ANO7: variants seen among roughly 807,000 people sequenced by gnomAD.
The protein encoded by ANO7 is anoctamin-7.
ANO7 carries 114 observed loss-of-function variants against 115.8 expected under a neutral mutation model. The observed-to-expected ratio is 0.98, with a 90% CI of 0.85 to 1.15. ANO7 has a LOEUF of 1.15. Among genes scored for constraint, ANO7 ranks in the 50% most tolerant of loss-of-function variants. ANO7 has a pLI of 0.00. For synonymous variants in ANO7, 550 were observed against 498.2 expected, an observed-to-expected ratio of 1.10 and a Z score of -1.38; for missense variants, 1,302 against 1,201.2, an observed-to-expected ratio of 1.08 and a Z score of -1.24.
At chr2:241,226,586 A>G (rs367770569), downstream of ANO7, among the ~76,000 whole-genome samples, 28 of 151,882 alleles carry the variant, frequency 1.8e-4, no homozygotes, top group Non-Finnish European at 3.5e-4. Context: ...CACCACACCC[A>G]GCTAATTTTT....
downstream of ANO7, chr2:241,229,449 C>G (rs2069452234): frequency 1.6e-6 from 1 of 616,896 alleles, no homozygotes; most frequent in African/African-American, 1.9e-5. Context: ...GCCGCACACA[C>G]AGCCAGGCGC....
chr2:241,230,314 A>C (rs1198692023), downstream of ANO7: 1 of 1,141,098 alleles, frequency 8.8e-7, no homozygotes, highest in South Asian at 1.5e-5. The surrounding 1 kb of genome is among the most constrained non-coding windows in gnomAD (Gnocchi z 5.0). Flanking sequence ...CCAAGCGAGG[A>C]AAAGGGTTAA....
chr2:241,215,802 A>T (rs1198875760), intron 18 of ANO7, among the ~76,000 whole-genome samples: 3 of 152,184 alleles, frequency 2.0e-5, no homozygotes, highest in Non-Finnish European at 4.4e-5. Flanking sequence ...CTGCTTTGCA[A>T]TTCCGGGAGG....
the ANO7 span, among the ~76,000 whole-genome samples, chr2:241,239,310 TTTTC>T: frequency 6.6e-6 from 1 of 152,136 alleles, no homozygotes; most frequent in East Asian, 1.9e-4. This position sits in a 1 kb window ranked among gnomAD's most constrained non-coding sequence, Gnocchi z 4.6. Context: ...ACAGAATGCA[TTTTC>T]TTTCTTTCTC....
chr2:241,198,582 C>T (rs146512648), intron 4 of ANO7, among the ~76,000 whole-genome samples: 14 of 152,294 alleles, frequency 9.2e-5, no homozygotes, highest in East Asian at 3.9e-4. Flanking sequence ...CAGAACATCA[C>T]GGCCAGCTGG....
chr2:241,236,315 C>T, the ANO7 span: 2 of 408,300 alleles, frequency 4.9e-6, no homozygotes, highest in East Asian at 4.5e-5. Context: ...ACATTCATCC[C>T]CCTGCAGCTG....
intron 4 of ANO7, among the ~76,000 whole-genome samples, chr2:241,198,718 A>G (rs1008466184): frequency 1.3e-5 from 2 of 152,240 alleles, no homozygotes; most frequent in African/African-American, 4.8e-5. Context: ...GGTGCTGAAA[A>G]GCAGTTATGC....
At chr2:241,208,555 A>G (rs2068640652) in intron 11 of ANO7, among the ~76,000 whole-genome samples, 1 of 152,190 alleles carries the variant, frequency 6.6e-6, no homozygotes, top group Admixed American at 6.5e-5. Flanking sequence ...CCTTATTCAA[A>G]TAAGATTACA....
rs760834241 is a variant in ANO7, at chr2:241,223,811, C to A, written c.2532+30C>A. ...ACTGTACAGCCCAGTCTCGGCCCTC[C>A]CCCCAGCCCTCTCCCTATCCTTGTC... On this transcript the variant is annotated intron_variant, in intron 23 of 24. Coordinates refer to ENST00000674324, the MANE Select transcript of ANO7 (RefSeq NM_001370694.2). 5 of 1,614,034 alleles carry A rather than the reference C, an allele frequency of 3.1e-6. No homozygotes were observed. The East Asian group carries it at 1.1e-4, about 36-fold the overall frequency.
intron 19 of ANO7, 125 bp from the exon 20 acceptor site, chr2:241,217,561 G>C (rs957032309): frequency 1.2e-5 from 13 of 1,106,506 alleles, no homozygotes; most frequent in Middle Eastern, 2.8e-4. Flanking sequence ...CCAGGAGGTG[G>C]GGGCGGAATG....
At chr2:241,232,047 G>A in the ANO7 span, among the ~76,000 whole-genome samples, 37 of 152,272 alleles carry the variant, frequency 2.4e-4, no homozygotes, top group African/African-American at 8.4e-4. Context: ...AGCAGCCCAA[G>A]AAGCTTCTGT....
At chr2:241,237,746 A>G in the ANO7 span, among the ~76,000 whole-genome samples, 1 of 152,224 alleles carries the variant, frequency 6.6e-6, no homozygotes, top group South Asian at 2.1e-4. Flanking sequence ...AAAGGGGAGA[A>G]GTTGAGAAAA....
chr2:241,228,173 T>G, downstream of ANO7: 1 of 152,204 alleles, frequency 6.6e-6, no homozygotes. Flanking sequence ...TGGGCGTGAG[T>G]CAGCTTTTCC....
At chr2:241,210,267 G>A (rs771017363) in intron 13 of ANO7, 28 bp from the exon 14 acceptor site, 4 of 1,608,878 alleles carry the variant, frequency 2.5e-6, no homozygotes, top group Non-Finnish European at 2.6e-6. Context: ...CACCGTGAAG[G>A]GTCTCACGGG....
intron 21 of ANO7, among the ~76,000 whole-genome samples, chr2:241,222,345 G>C (rs1180690384): frequency 6.6e-6 from 1 of 152,074 alleles, no homozygotes; most frequent in African/African-American, 2.4e-5. Context: ...TTCTGGAAAT[G>C]TCTCCATCTT....
intron 12 of ANO7, 30 bp downstream of exon 12, chr2:241,209,458 A>G: frequency 6.3e-7 from 1 of 1,595,014 alleles, no homozygotes; most frequent in Non-Finnish European, 8.5e-7. Flanking sequence ...CCACGGTCAC[A>G]CCCGGCGAGG....
the ANO7 span, chr2:241,235,589 C>T: frequency 1.9e-6 from 3 of 1,611,814 alleles, no homozygotes; most frequent in East Asian, 6.7e-5. Context: ...TGACAGGAAC[C>T]AATGCCTGCA....
rs7566006 is a variant in ANO7 at position 241,212,333 on chromosome 2, G to C, written c.1673+128G>C. 0.17 allele frequency: 170,971 copies of C among 1,020,738 alleles called. 16,154 individuals are homozygous for C. The highest frequency in any genetic ancestry group is 0.19 in the Non-Finnish European group (128,131 of 667,546). The allele number at this position is 1,020,738 out of a possible 1,614,324, so 63.2% of individuals were successfully genotyped here. A position where few individuals can be genotyped will look rare whatever the true frequency, so the allele number is the denominator to read the frequency against. On this transcript the variant is annotated intron_variant, in intron 16 of 24. Transcript: ENST00000674324. ...GGTGGAGGACGGAACCGGAGACCCA[G>C]GCAGGGGACAGGGGCCCATGCCTCC...
intron 18 of ANO7, among the ~76,000 whole-genome samples, chr2:241,215,725 C>T (rs1221240433): frequency 1.3e-5 from 2 of 152,240 alleles, no homozygotes; most frequent in African/African-American, 4.8e-5. Flanking sequence ...GCCTCCACAT[C>T]TGCTTTCCCT....
Sources: gnomAD v4.1 joint callset for allele counts (sites outside exome capture counted in the v4.1 genomes callset) on GRCh38, gnomAD v4.1.1 for gene constraint, Gnocchi (gnomAD v3.1) non-coding constraint, MANE v1.5 for transcripts, NCBI Gene and HGNC (gene_info 2026-07-23, HGNC 2026-07-21) for gene names.